The following PLEKHG7 variants were observed in gnomAD, a reference collection of about 807,000 sequenced individuals.
PLEKHG7 encodes pleckstrin homology and RhoGEF domain containing G7, also known as pleckstrin homology domain-containing family G member 7.
A neutral mutation model predicts 85.2 loss-of-function variants in PLEKHG7; 77 were observed. That is an observed-to-expected ratio of 0.90 (90% CI 0.75 to 1.09). PLEKHG7 has a LOEUF of 1.09. PLEKHG7 is among the 50% of genes least tolerant of loss of function. PLEKHG7 has a pLI of 0.00. For missense variants in PLEKHG7, 777 were observed against 804.3 expected, an observed-to-expected ratio of 0.97 and a Z score of 0.41; for synonymous variants, 301 against 302.4, an observed-to-expected ratio of 1.00 and a Z score of 0.05.
At chr12:92,712,068 A>T (rs1871376685) in intron 3 of PLEKHG7, among the ~76,000 whole-genome samples, 1 of 152,206 alleles carries the variant, frequency 6.6e-6, no homozygotes, top group Non-Finnish European at 1.5e-5. Flanking sequence ...CTGAGGTGGA[A>T]GTTTTCTGAA....
chr12:92,727,766 T>G (rs1871856367), intron 3 of PLEKHG7, among the ~76,000 whole-genome samples: 1 of 151,956 alleles, frequency 6.6e-6, no homozygotes. Flanking sequence ...TTTTGTATTT[T>G]TTTTAGTGGA....
chr12:92,706,419 G>A, intron 1 of PLEKHG7, 52 bp from the exon 2 acceptor site: 1 of 538,236 alleles, frequency 1.9e-6, no homozygotes, highest in Non-Finnish European at 3.1e-6. Flanking sequence ...TTTTCTCACT[G>A]CAGTCTCCCT....
Position 92,706,661 on chromosome 12 carries a change from G to A in PLEKHG7, c.30G>A (p.Glu10=). MEKTESFCP[E]VPPQDCGASP... Reference sequence around the variant, plus strand: ...AGAAAACAGAGTCATTCTGTCCAGAGGTGCCACCCCAAGACTGTGGAGCCT... The same window carrying A: ...AGAAAACAGAGTCATTCTGTCCAGAAGTGCCACCCCAAGACTGTGGAGCCT... Residue 10 remains glutamate, a synonymous_variant, in exon 2 of 17, where the codon GAG becomes GAA. Transcript: ENST00000344636. 6.2e-7 allele frequency: 1 copy of A among 1,613,844 alleles called. No individual in the cohort carries two copies. The highest frequency in any genetic ancestry group is 1.1e-5 in the South Asian group (1 of 91,036).
At position 92,764,070 on chromosome 12, in the gene PLEKHG7, G is replaced by A. The variant is rs113873661; in HGVS notation, c.1746G>A (p.Met582Ile). The change falls in exon 15 of 17, where the codon ATG (methionine) becomes ATA (isoleucine). Residue 582 changes from methionine to isoleucine, a missense_variant. Met to Ile is a conservative substitution (Grantham distance 10). Around this residue, in one of 3 missense-constraint regions of PLEKHG7, gnomAD observed 520 missense variants for 544.0 expected, o/e 0.96. Coordinates refer to ENST00000344636, the MANE Select transcript of PLEKHG7 (RefSeq NM_001377329.1). ...TTGGAGGCTCAGACCCTGGTTTAATGTGTCCTTCTCTTACTCCTGAGTTGC... is the reference window on the plus strand; with the variant it reads ...TTGGAGGCTCAGACCCTGGTTTAATATGTCCTTCTCTTACTCCTGAGTTGC... ...KKLGGSDPGLMCPSLTPELQA... is the reference protein window; with the variant it reads ...KKLGGSDPGLICPSLTPELQA... 2.5e-5 allele frequency: 40 copies of A among 1,609,546 alleles called. No homozygotes were observed. The African/African-American group carries it at 3.2e-4, about 13-fold the overall frequency.
chr12:92,741,530 A>G lies in PLEKHG7; in HGVS notation c.1075A>G (p.Lys359Glu), dbSNP rs1872355761. The G allele has an allele frequency of 1.9e-6, 3 of 1,613,136 alleles. No homozygotes were observed. Among genetic ancestry groups the G allele is most frequent in the African/African-American group, 2.7e-5 (2 of 74,908 alleles). Reference protein sequence around the residue: ...GFVNSLFGIIKDYVDASEISS... With the variant: ...GFVNSLFGIIEDYVDASEISS... ...TGTGAACAGTCTCTTTGGCATCATC[A>G]AGGACTATGTAGACGCTTCTGAGAT... The change falls in exon 9 of 17, where the codon AAG (lysine) becomes GAG (glutamate). Residue 359 changes from lysine (K) to glutamate (E), a missense_variant. Around this residue, in one of 3 missense-constraint regions of PLEKHG7, gnomAD observed 520 missense variants for 544.0 expected, o/e 0.96. Transcript: ENST00000344636.
intron 9 of PLEKHG7, among the ~76,000 whole-genome samples, chr12:92,743,779 C>T (rs1349678746): frequency 6.6e-6 from 1 of 152,108 alleles, no homozygotes; most frequent in Admixed American, 6.5e-5. Context: ...AGGCTGCTCT[C>T]GAACTCCTGA....
intron 15 of PLEKHG7, among the ~76,000 whole-genome samples, chr12:92,766,818 A>G (rs2136635765): frequency 6.6e-6 from 1 of 152,366 alleles, no homozygotes; most frequent in East Asian, 1.9e-4. Flanking sequence ...TGATGGAGTG[A>G]GACTCTGTCT....
intron 7 of PLEKHG7, among the ~76,000 whole-genome samples, chr12:92,740,381 A>C (rs1264994982): frequency 6.6e-6 from 1 of 152,248 alleles, no homozygotes; most frequent in Non-Finnish European, 1.5e-5. Flanking sequence ...CCTCTAAACA[A>C]ACTGAAACAT....
intron 5 of PLEKHG7, 123 bp downstream of exon 5, chr12:92,732,396 T>C (rs1318430414): frequency 1.5e-5 from 8 of 528,084 alleles, no homozygotes; most frequent in South Asian, 1.0e-4. Context: ...GCACGTGAAA[T>C]ATAAATGATA....
At chr12:92,716,802 C>G (rs1871503870) in intron 3 of PLEKHG7, among the ~76,000 whole-genome samples, 1 of 152,210 alleles carries the variant, frequency 6.6e-6, no homozygotes, top group South Asian at 2.1e-4. Flanking sequence ...TCAAAACCTT[C>G]CTGAGAGCAG....
intron 3 of PLEKHG7, among the ~76,000 whole-genome samples, chr12:92,717,195 A>C (rs1871513935): frequency 6.6e-6 from 1 of 152,252 alleles, no homozygotes; most frequent in Non-Finnish European, 1.5e-5. Flanking sequence ...TCCAATGCTC[A>C]AATAGAAAGT....
chr12:92,735,799 A>G (rs1022929203), intron 5 of PLEKHG7, among the ~76,000 whole-genome samples: 21 of 152,218 alleles, frequency 1.4e-4, no homozygotes, highest in African/African-American at 5.1e-4. Context: ...TGATCAGAAT[A>G]CCATATTTCC....
rs772869067 is a variant in PLEKHG7, at chr12:92,707,695, C to T, written c.530+23C>T. 8.1e-5 allele frequency: 130 copies of T among 1,613,852 alleles called. 1 individual carries two copies. The highest frequency in any genetic ancestry group is 7.5e-4 in the Admixed American group (45 of 60,002). On this transcript the variant is annotated intron_variant, in intron 3 of 16. Coordinates refer to ENST00000344636, the MANE Select transcript of PLEKHG7 (RefSeq NM_001377329.1). ...CAGGTGTGTATGCATTTATTTTCTC[C>T]GGTGCTATGACATCTGTTGACTATT...
At chr12:92,705,744 C>T (rs1871211379) in intron 1 of PLEKHG7, among the ~76,000 whole-genome samples, 1 of 152,202 alleles carries the variant, frequency 6.6e-6, no homozygotes, top group Non-Finnish European at 1.5e-5. Context: ...ATACCTTCTT[C>T]ATGTGGGAAA....
chr12:92,704,485 C>A (rs1253509399), intron 1 of PLEKHG7, among the ~76,000 whole-genome samples: 2 of 152,186 alleles, frequency 1.3e-5, no homozygotes, highest in Non-Finnish European at 2.9e-5. Flanking sequence ...TACAATCTCA[C>A]CTTAACTGAA....
At chr12:92,716,658 A>T (rs1047924464) in intron 3 of PLEKHG7, among the ~76,000 whole-genome samples, 1 of 152,228 alleles carries the variant, frequency 6.6e-6, no homozygotes, top group African/African-American at 2.4e-5. Context: ...GGCTTAAGGG[A>T]TATACACTCT....
chr12:92,705,477 G>C (rs140155719), intron 1 of PLEKHG7, among the ~76,000 whole-genome samples: 13 of 152,370 alleles, frequency 8.5e-5, no homozygotes, highest in Non-Finnish European at 1.9e-4. Flanking sequence ...TGTGGGCAAA[G>C]GGTTTCAGAT....
chr12:92,736,755 G>C (rs1035248067), intron 6 of PLEKHG7, among the ~76,000 whole-genome samples, 178 bp downstream of exon 6: 1 of 152,182 alleles, frequency 6.6e-6, no homozygotes, highest in African/African-American at 2.4e-5. Flanking sequence ...CACACTGAAA[G>C]CTGGGGAAAG....
At chr12:92,763,923 G>C in intron 14 of PLEKHG7, 118 bp from the exon 15 acceptor site, 1 of 758,188 alleles carries the variant, frequency 1.3e-6, no homozygotes, top group Non-Finnish European at 2.0e-6. Context: ...TAAGATTTTA[G>C]GCAATAATAG....
Sources: gnomAD v4.1 joint callset for allele counts (sites outside exome capture counted in the v4.1 genomes callset) on GRCh38, gnomAD v4.1.1 for gene constraint, gnomAD v4.1.1 regional missense constraint, MANE v1.5 for transcripts, NCBI Gene and HGNC (gene_info 2026-07-23, HGNC 2026-07-21) for gene names.